The following KIF14 variants were observed in gnomAD, a reference collection of about 807,000 sequenced individuals.
The protein encoded by KIF14 is kinesin-like protein KIF14.
A neutral mutation model predicts 176.2 loss-of-function variants in KIF14; 98 were observed. The observed-to-expected ratio is 0.56, with a 90% confidence interval of 0.47 to 0.66. The LOEUF is 0.66. Ranked by LOEUF, KIF14 falls within the 30% of genes least tolerant of loss-of-function variation. The pLI is 0.00. For synonymous variants in KIF14, 566 were observed against 632.2 expected, an observed-to-expected ratio of 0.90 and a Z score of 1.57; for missense variants, 1,751 against 1,920.4, an observed-to-expected ratio of 0.91 and a Z score of 1.65.
intron 23 of KIF14, among the ~76,000 whole-genome samples, chr1:200,567,282 C>T (rs961966090): frequency 6.6e-6 from 1 of 151,962 alleles, no homozygotes; most frequent in African/African-American, 2.4e-5. Flanking sequence ...TGGCTCACGC[C>T]TATAATCCCA....
chr1:200,597,137 C>T (rs1659393986), intron 14 of KIF14, among the ~76,000 whole-genome samples: 1 of 151,880 alleles, frequency 6.6e-6, no homozygotes, highest in African/African-American at 2.4e-5. Flanking sequence ...TGAGCCCACA[C>T]ACCTGTGCTA....
At chr1:200,588,891 CCTT>C (rs1658898341) in intron 18 of KIF14, among the ~76,000 whole-genome samples, 1 of 152,300 alleles carries the variant, frequency 6.6e-6, no homozygotes, top group Non-Finnish European at 1.5e-5. Flanking sequence ...AAGAGCTGTG[CCTT>C]TTTTCCTTCC....
chr1:200,577,284 A>C (rs1255534555), intron 21 of KIF14, among the ~76,000 whole-genome samples: 3 of 152,144 alleles, frequency 2.0e-5, no homozygotes, highest in African/African-American at 7.2e-5. Flanking sequence ...AGATTGTGCC[A>C]CTGCACTCCA....
At chr1:200,616,097 C>G (rs1660393667) in intron 2 of KIF14, among the ~76,000 whole-genome samples, 1 of 152,204 alleles carries the variant, frequency 6.6e-6, no homozygotes, top group African/African-American at 2.4e-5. Context: ...TCTAGATTCT[C>G]TCCCTTAAAA....
At chr1:200,602,256 C>A (rs1159325483) in intron 10 of KIF14, among the ~76,000 whole-genome samples, 188 bp from the exon 11 acceptor site, 1 of 152,126 alleles carries the variant, frequency 6.6e-6, no homozygotes, top group Non-Finnish European at 1.5e-5. Context: ...CTCTCTTACA[C>A]TTTTTATATT....
intron 11 of KIF14, 113 bp from the exon 12 acceptor site, chr1:200,600,616 C>T (rs1306379899): frequency 2.8e-6 from 2 of 713,260 alleles, no homozygotes; most frequent in East Asian, 2.7e-5. Context: ...TACAGTATTA[C>T]TAAATAAAAT....
In KIF14 at chr1:200,570,021, C is replaced by G. The variant is rs200617302; in HGVS notation, c.3567-16G>C. On this transcript the variant is annotated splice_polypyrimidine_tract_variant and intron_variant, in intron 22 of 29. Transcript: ENST00000367350. The stretch of plus-strand genomic sequence containing the variant: ...ACTCCTACTCCTGAAAAAAGACAAA[C>G]CATAAGATTAGCAGTTCTATACCAC... 1.4e-6 allele frequency: 2 copies of G among 1,419,548 alleles called. No individual in the cohort carries two copies. The highest frequency in any genetic ancestry group is 4.6e-5 in the East Asian group (2 of 43,648). 87.9% of individuals were successfully genotyped at this position (1,419,548 alleles called of 1,614,324 possible). A position where few individuals can be genotyped will look rare whatever the true frequency, so the allele number is the denominator to read the frequency against.
chr1:200,596,917 A>G (rs1659381194), intron 14 of KIF14, among the ~76,000 whole-genome samples: 1 of 119,068 alleles, frequency 8.4e-6, no homozygotes, highest in Admixed American at 1.0e-4. Context: ...TTTTTTTGAG[A>G]CATAGTCTCG....
intron 28 of KIF14, among the ~76,000 whole-genome samples, chr1:200,554,859 G>A (rs991942645): frequency 6.6e-6 from 1 of 152,084 alleles, no homozygotes; most frequent in Admixed American, 6.6e-5. Context: ...TAAAGTAACA[G>A]TGCCATTTAT....
intron 13 of KIF14, 37 bp from the exon 14 acceptor site, chr1:200,598,458 C>G: frequency 6.5e-7 from 1 of 1,531,950 alleles, no homozygotes; most frequent in Non-Finnish European, 8.9e-7. Flanking sequence ...ATCTTAATCA[C>G]AGTATGAAAT....
chr1:200,611,087 A>C (rs1006732632), intron 4 of KIF14, among the ~76,000 whole-genome samples: 3 of 152,208 alleles, frequency 2.0e-5, no homozygotes, highest in Non-Finnish European at 2.9e-5. Context: ...TACAGTGTAG[A>C]GGCCAAAAAC....
At chr1:200,559,661 G>A (rs1431138022) in intron 26 of KIF14, among the ~76,000 whole-genome samples, 1 of 151,962 alleles carries the variant, frequency 6.6e-6, no homozygotes, top group African/African-American at 2.4e-5. Context: ...AATAAAATTA[G>A]CAAATCTGTA....
chr1:200,600,204 A>ACCTAGTTG, intron 12 of KIF14, 91 bp from the exon 13 acceptor site: 1 of 1,174,086 alleles, frequency 8.5e-7, no homozygotes, highest in South Asian at 1.3e-5. Flanking sequence ...TTAGGCAACT[A>ACCTAGTTG]CCTAGTAATA....
intron 19 of KIF14, among the ~76,000 whole-genome samples, chr1:200,581,739 T>A (rs1437279977): frequency 1.3e-5 from 2 of 150,528 alleles, no homozygotes; most frequent in Non-Finnish European, 3.0e-5. Flanking sequence ...AGGAAAATAA[T>A]TTAGTACACA....
intron 22 of KIF14, among the ~76,000 whole-genome samples, chr1:200,571,140 C>A (rs1420340724): frequency 6.6e-6 from 1 of 152,002 alleles, no homozygotes; most frequent in African/African-American, 2.4e-5. Context: ...CCTCTTTTTC[C>A]TCAGCCTATA....
At chr1:200,570,364 G>C (rs1303332028) in intron 22 of KIF14, among the ~76,000 whole-genome samples, 1 of 152,204 alleles carries the variant, frequency 6.6e-6, no homozygotes, top group Non-Finnish European at 1.5e-5. Flanking sequence ...TGAAGGCATA[G>C]AGTGTTGTGG....
chr1:200,560,481 A>G (rs1005065852), intron 26 of KIF14, among the ~76,000 whole-genome samples: 2 of 152,152 alleles, frequency 1.3e-5, no homozygotes, highest in Non-Finnish European at 2.9e-5. Flanking sequence ...CCTATTGGCC[A>G]GGCTGATCTC....
intron 4 of KIF14, among the ~76,000 whole-genome samples, chr1:200,612,549 C>A (rs932705467): frequency 3.9e-5 from 6 of 152,184 alleles, no homozygotes; most frequent in African/African-American, 1.2e-4. Context: ...AATCATATTT[C>A]ATCTCATAGT....
At chr1:200,587,228 A>G (rs990032268) in intron 18 of KIF14, among the ~76,000 whole-genome samples, 2 of 152,138 alleles carry the variant, frequency 1.3e-5, no homozygotes, top group Non-Finnish European at 2.9e-5. Context: ...AAAACTACCT[A>G]TTGGGTACAA....
Sources: allele counts gnomAD v4.1 joint callset (sites outside exome capture counted in the v4.1 genomes callset), GRCh38; gene constraint gnomAD v4.1.1; transcripts MANE v1.5; gene names NCBI Gene and HGNC (gene_info 2026-07-23, HGNC 2026-07-21).